Variants in EGFR observed in about 807,000 individuals in gnomAD.
EGFR encodes epidermal growth factor receptor, also known as avian erythroblastic leukemia viral (v-erb-b) oncogene homolog.
Under a neutral mutation model 143.0 loss-of-function variants are expected in EGFR, and 58 were observed. That is an observed-to-expected ratio of 0.41 (90% CI 0.33 to 0.50). The LOEUF is 0.50. EGFR is among the 20% of genes least tolerant of loss of function. EGFR has a pLI of 0.39. For missense variants in EGFR, 1,307 were observed against 1,579.0 expected (o/e 0.83, Z 2.92); for synonymous variants, 613 against 594.4 (o/e 1.03, Z -0.45).
intron 1 of EGFR, among the ~76,000 whole-genome samples, chr7:55,121,053 C>T (rs183310867): frequency 6.6e-6 from 1 of 152,264 alleles, no homozygotes; most frequent in African/African-American, 2.4e-5. Context: ...TTTTGAAAGC[C>T]TGGAAGATTC....
intron 1 of EGFR, among the ~76,000 whole-genome samples, chr7:55,116,851 C>G (rs1792879307): frequency 6.6e-6 from 1 of 152,210 alleles, no homozygotes; most frequent in Non-Finnish European, 1.5e-5. Flanking sequence ...CATTCCATAA[C>G]TGGGCAGTTC....
intron 1 of EGFR, among the ~76,000 whole-genome samples, chr7:55,096,254 C>T (rs1317463127): frequency 1.3e-5 from 2 of 152,214 alleles, no homozygotes. Context: ...TCTTCAAAAT[C>T]TTCTCAGGCA....
intron 6 of EGFR, among the ~76,000 whole-genome samples, 166 bp from the exon 7 acceptor site, chr7:55,153,845 C>T (rs1785273534): frequency 6.6e-6 from 1 of 152,194 alleles, no homozygotes; most frequent in Non-Finnish European, 1.5e-5. Flanking sequence ...GTCTTTCTGA[C>T]TCTGCAGAGG....
intron 1 of EGFR, chr7:55,119,356 C>T (rs1272025240): frequency 6.6e-6 from 1 of 152,172 alleles, no homozygotes; most frequent in African/African-American, 2.4e-5. Flanking sequence ...GAGCCTGAAA[C>T]CAACACAATC....
rs2128853380 is a variant in EGFR at position 55,019,304 on chromosome 7, AGCGCTCCTGGCGCTGCTGGCT to A, written c.34_54del (p.Leu12_Leu18del). On this transcript the variant is annotated inframe_deletion, in exon 1 of 28. Coordinates refer to ENST00000275493, the MANE Select transcript of EGFR (RefSeq NM_005228.5). ...TGCGACCCTCCGGGACGGCCGGGGC[AGCGCTCCTGGCGCTGCTGGCT>A]GCGCTCTGCCCGGCGAGTCGGGCTC... 2 of 1,517,308 alleles carry A rather than the reference AGCGCTCCTGGCGCTGCTGGCT, an allele frequency of 1.3e-6. No homozygotes were observed. Among genetic ancestry groups the A allele is most frequent in the Non-Finnish European group, 1.8e-6 (2 of 1,128,428 alleles). 94.0% of individuals were successfully genotyped at this position (1,517,308 alleles called of 1,614,324 possible). A position where few individuals can be genotyped will look rare whatever the true frequency, so the allele number is the denominator to read the frequency against.
chr7:55,079,028 G>A lies in EGFR; in HGVS notation c.88+59663G>A, dbSNP rs1790303661. On this transcript the variant is annotated intron_variant, in intron 1 of 27. Transcript: ENST00000275493. The stretch of plus-strand genomic sequence containing the variant: ...GGAAAAGAGAACGTAAGTTCAGGGA[G>A]TTCTCGTCCATTCCTCTCCCGTGGG... Among the ~76,000 whole-genome samples the A allele has an allele frequency of 2.0e-5, 3 of 152,248 alleles. No homozygotes were observed. The South Asian group carries it at 6.2e-4, about 32-fold the overall frequency.
chr7:55,078,954 C>G (rs1412865614), intron 1 of EGFR, among the ~76,000 whole-genome samples: 1 of 152,196 alleles, frequency 6.6e-6, no homozygotes, highest in Non-Finnish European at 1.5e-5. Flanking sequence ...GACCTCTTTC[C>G]CCACCCCAGG....
At chr7:55,181,525 T>C (rs2128958999) in intron 20 of EGFR, 47 bp downstream of exon 20, 1 of 1,612,700 alleles carries the variant, frequency 6.2e-7, no homozygotes, top group Non-Finnish European at 8.5e-7. Flanking sequence ...GGAGCCAGGA[T>C]CCTCACATGC....
At chr7:55,034,440 G>A (rs1469855164) in intron 1 of EGFR, among the ~76,000 whole-genome samples, 1 of 152,072 alleles carries the variant, frequency 6.6e-6, no homozygotes, top group Non-Finnish European at 1.5e-5. Flanking sequence ...CACCATGTTG[G>A]CCAGGTGCCC....
chr7:55,058,752 G>C (rs1173151042), intron 1 of EGFR, among the ~76,000 whole-genome samples: 1 of 151,916 alleles, frequency 6.6e-6, no homozygotes, highest in Non-Finnish European at 1.5e-5. Context: ...TTAGTACCAG[G>C]GTGACAAAAT....
intron 1 of EGFR, among the ~76,000 whole-genome samples, chr7:55,041,991 G>A (rs1787923038): frequency 1.3e-5 from 2 of 152,126 alleles, no homozygotes; most frequent in Admixed American, 1.3e-4. Flanking sequence ...AAAAAGCTCA[G>A]AGACATATAT....
intron 23 of EGFR, 50 bp from the exon 24 acceptor site, chr7:55,200,266 C>A (rs2128969686): frequency 1.3e-6 from 2 of 1,534,452 alleles, no homozygotes; most frequent in South Asian, 2.2e-5. Context: ...CCATCTTTAT[C>A]ATTTCTTCCA....
At chr7:55,146,049 A>C (rs926095887) in intron 3 of EGFR, among the ~76,000 whole-genome samples, 1 of 152,166 alleles carries the variant, frequency 6.6e-6, no homozygotes, top group Non-Finnish European at 1.5e-5. Flanking sequence ...ACAGCTGTAC[A>C]GTTTCACCAT....
chr7:55,154,308 C>T (rs1309700916), intron 7 of EGFR, among the ~76,000 whole-genome samples, 156 bp downstream of exon 7: 2 of 152,192 alleles, frequency 1.3e-5, no homozygotes, highest in East Asian at 1.9e-4. Context: ...GGCACACAGG[C>T]GAGGGGAGGG....
intron 1 of EGFR, among the ~76,000 whole-genome samples, chr7:55,054,718 G>A (rs534649808): frequency 2.1e-4 from 32 of 152,290 alleles, no homozygotes; most frequent in African/African-American, 5.1e-4. Flanking sequence ...GACCCCTTGC[G>A]GGGCAGTGGG....
At chr7:55,035,529 A>C (rs1413072499) in intron 1 of EGFR, among the ~76,000 whole-genome samples, 1 of 151,646 alleles carries the variant, frequency 6.6e-6, no homozygotes, top group Non-Finnish European at 1.5e-5. Flanking sequence ...AAAACAAAAA[A>C]AAAACTAGCC....
intron 15 of EGFR, 125 bp from the exon 16 acceptor site, chr7:55,171,050 T>C (rs1786326174): frequency 7.8e-6 from 12 of 1,529,290 alleles, no homozygotes; most frequent in Non-Finnish European, 1.1e-5. Flanking sequence ...TCCAGACACA[T>C]AGTGATTTTA....
intron 1 of EGFR, among the ~76,000 whole-genome samples, chr7:55,053,997 G>T (rs1358076596): frequency 6.6e-6 from 1 of 152,014 alleles, no homozygotes; most frequent in Non-Finnish European, 1.5e-5. Flanking sequence ...AAAAAGTCAG[G>T]TCCCTCCCTC....
chr7:55,158,003 T>C (rs977130455), intron 11 of EGFR, among the ~76,000 whole-genome samples: 8 of 152,218 alleles, frequency 5.3e-5, no homozygotes, highest in Admixed American at 1.3e-4. Flanking sequence ...AGATCCCACA[T>C]TGCACTTAGT....
Sources: allele counts gnomAD v4.1 joint callset (sites outside exome capture counted in the v4.1 genomes callset), GRCh38; gene constraint gnomAD v4.1.1; transcripts MANE v1.5; gene names NCBI Gene and HGNC (gene_info 2026-07-23, HGNC 2026-07-21).